Variants in UIMC1 observed in about 807,000 individuals in gnomAD.
UIMC1 encodes the protein ubiquitin interaction motif containing 1, also known as BRCA1-A complex subunit RAP80.
A neutral mutation model predicts 84.9 loss-of-function variants in UIMC1; 42 were observed. The observed-to-expected ratio is 0.49, with a 90% CI of 0.39 to 0.64. UIMC1 has a LOEUF of 0.64. Among genes scored for constraint, UIMC1 ranks in the 30% least tolerant of loss-of-function variants. The pLI, the probability that UIMC1 is intolerant of heterozygous loss-of-function variation, is 0.00. For synonymous variants in UIMC1, 281 were observed against 293.0 expected, an observed-to-expected ratio of 0.96 and a Z score of 0.42; for missense variants, 825 against 847.6, an observed-to-expected ratio of 0.97 and a Z score of 0.33.
At chr5:176,970,523 A>G in intron 4 of UIMC1, 2 of 610,672 alleles carry the variant, frequency 3.3e-6, no homozygotes, top group Non-Finnish European at 5.5e-6. Flanking sequence ...TAAAAAATCC[A>G]TGGGGTGGAA....
intron 1 of UIMC1, among the ~76,000 whole-genome samples, chr5:177,016,983 A>G (rs987300686): frequency 6.6e-6 from 1 of 152,248 alleles, no homozygotes; most frequent in African/African-American, 2.4e-5. Context: ...AGATTGCGCC[A>G]TTGCACTCCA....
intron 2 of UIMC1, among the ~76,000 whole-genome samples, chr5:176,979,143 A>AAC (rs1770611055): frequency 6.6e-6 from 1 of 152,260 alleles, no homozygotes; most frequent in Non-Finnish European, 1.5e-5. Flanking sequence ...TTAGTTTATG[A>AAC]TAAAGGTAAA....
rs896251086 is a variant in UIMC1, at chr5:176,994,956, G to A, written c.-9+11694C>T. ...TCTTTTCTTATCCTCACTCTGGGGC[G>A]GGGTGTGGGGGGCAGTGTGCTGGGA... On this transcript the variant is annotated intron_variant, in intron 1 of 14. Transcript: ENST00000511320. Among the ~76,000 whole-genome samples, 3 of 30,804 alleles carry A rather than the reference G, an allele frequency of 9.7e-5. No individual in the cohort carries two copies. In the South Asian group the frequency reaches 2.5e-3, roughly 26 times the overall value. The allele number at this position is 30,804 out of a possible 152,430, so 20.2% of individuals were successfully genotyped here.
At chr5:176,996,708 G>C (rs767469806) in intron 1 of UIMC1, among the ~76,000 whole-genome samples, 1 of 152,118 alleles carries the variant, frequency 6.6e-6, no homozygotes, top group African/African-American at 2.4e-5. Flanking sequence ...TATGAGTCCA[G>C]TAGTTTAACC....
chr5:176,947,765 G>A lies in UIMC1; in HGVS notation c.1443+3709C>T, dbSNP rs1191872469. Among the ~76,000 whole-genome samples the A allele has an allele frequency of 3.3e-5, 5 of 151,564 alleles. No individual in the cohort carries two copies. In the East Asian group the frequency reaches 5.8e-4, roughly 18 times the overall value. On this transcript the variant is annotated intron_variant, in intron 9 of 14. Coordinates refer to ENST00000511320, the MANE Select transcript of UIMC1 (RefSeq NM_001199298.2). ...CCCGGGAGGTGGAGCTTGCAGAGCC[G>A]AGATTGCGCCACTGCACTCCAGCCT...
At chr5:176,943,511 A>C (rs1465729114) in intron 9 of UIMC1, 23 bp from the exon 10 acceptor site, 1 of 1,612,284 alleles carries the variant, frequency 6.2e-7, no homozygotes, top group Non-Finnish European at 8.5e-7. Flanking sequence ...ACAAACAGCA[A>C]TCATAACAGC....
rs1764723205 is a variant in UIMC1 at position 176,943,610 on chromosome 5, A to G, written c.1444-122T>C. 14 of 1,236,186 alleles carry G rather than the reference A, an allele frequency of 1.1e-5. 1 individual carries two copies. The Middle Eastern group carries it at 1.4e-3, about 123-fold the overall frequency. The allele number at this position is 1,236,186 out of a possible 1,614,324, so 76.6% of individuals were successfully genotyped here. A position where few individuals can be genotyped will look rare whatever the true frequency, so the allele number is the denominator to read the frequency against. ...CAAAGAGACAACAACAGCTTATCAA[A>G]TTCAGGAGTAAAGATTGAGAGATAC... is the stretch of plus-strand genomic sequence containing the variant. On this transcript the variant is annotated intron_variant, in intron 9 of 14. Coordinates refer to ENST00000511320, the MANE Select transcript of UIMC1 (RefSeq NM_001199298.2).
At chr5:176,970,592 A>C (rs766053371) in intron 4 of UIMC1, 150 bp downstream of exon 4, 1 of 1,269,062 alleles carries the variant, frequency 7.9e-7, no homozygotes, top group Non-Finnish European at 1.1e-6. Flanking sequence ...CAACAATTCA[A>C]CACAGACTTT....
chr5:177,013,201 A>G (rs1332108982), intron 1 of UIMC1, among the ~76,000 whole-genome samples: 1 of 152,010 alleles, frequency 6.6e-6, no homozygotes, highest in Non-Finnish European at 1.5e-5. Context: ...GCTCTACTAA[A>G]AATACATAAA....
intron 10 of UIMC1, among the ~76,000 whole-genome samples, chr5:176,942,962 T>G (rs1191681770): frequency 1.3e-5 from 2 of 152,058 alleles, no homozygotes; most frequent in Admixed American, 6.5e-5. Flanking sequence ...CTTGGGAGGC[T>G]AAGGCGTGAG....
intron 10 of UIMC1, among the ~76,000 whole-genome samples, chr5:176,934,010 T>C (rs1333851762): frequency 1.3e-5 from 2 of 152,322 alleles, no homozygotes; most frequent in Non-Finnish European, 2.9e-5. Context: ...AGTTGTACTA[T>C]ACATAGTCAT....
intron 1 of UIMC1, among the ~76,000 whole-genome samples, chr5:176,994,820 A>G (rs181028707): frequency 1.3e-5 from 2 of 152,336 alleles, no homozygotes; most frequent in East Asian, 1.9e-4. Context: ...CAGGTCTCGC[A>G]ACGCAGGCAT....
At chr5:176,972,892 T>C (rs578112961) in intron 3 of UIMC1, among the ~76,000 whole-genome samples, 1 of 151,404 alleles carries the variant, frequency 6.6e-6, no homozygotes, top group Admixed American at 6.6e-5. Flanking sequence ...CTATGAATGA[T>C]TTTATACCAG....
chr5:176,929,744 C>A (rs1172629101), intron 10 of UIMC1, among the ~76,000 whole-genome samples: 1 of 151,830 alleles, frequency 6.6e-6, no homozygotes, highest in Non-Finnish European at 1.5e-5. Context: ...AAAAGTAAAA[C>A]ACACACACAC....
intron 10 of UIMC1, among the ~76,000 whole-genome samples, chr5:176,923,553 C>CAAA (rs140083057): frequency 8.3e-6 from 1 of 120,414 alleles, no homozygotes; most frequent in Non-Finnish European, 1.8e-5. Context: ...GTATCAAAAG[C>CAAA]AAAAAAAAAA....
At chr5:176,959,710 C>T (rs1229766001) in intron 6 of UIMC1, among the ~76,000 whole-genome samples, 1 of 117,696 alleles carries the variant, frequency 8.5e-6, no homozygotes, top group Non-Finnish European at 1.7e-5. Flanking sequence ...AGCGAGACTC[C>T]GTCTCAAAAA....
chr5:176,948,479 A>G (rs968887291), intron 9 of UIMC1, among the ~76,000 whole-genome samples: 1 of 152,242 alleles, frequency 6.6e-6, no homozygotes, highest in African/African-American at 2.4e-5. Flanking sequence ...TCCATTTTAC[A>G]TATGAAAAAC....
chr5:176,905,777 C>T lies in UIMC1; in HGVS notation c.1949+234G>A, dbSNP rs1581316037. 2.2e-5 allele frequency: 14 copies of T among 626,580 alleles called. No individual in the cohort carries two copies. In the East Asian group the frequency reaches 3.0e-4, roughly 14 times the overall value. The allele number at this position is 626,580 out of a possible 1,614,324, so 38.8% of individuals were successfully genotyped here. ...AGGGTTGGATGGGGATAGAGAGGTA[C>T]AGAAGAATAAGACATAACTTTCACT... On this transcript the variant is annotated intron_variant, in intron 14 of 14. Coordinates refer to ENST00000511320, the MANE Select transcript of UIMC1 (RefSeq NM_001199298.2).
intron 1 of UIMC1, among the ~76,000 whole-genome samples, chr5:176,998,241 A>G (rs1345155273): frequency 6.6e-6 from 1 of 151,974 alleles, no homozygotes; most frequent in East Asian, 1.9e-4. Flanking sequence ...CTTTCGGCAG[A>G]TCATCTGAGG....
Sources: gnomAD v4.1 joint callset for allele counts (sites outside exome capture counted in the v4.1 genomes callset) on GRCh38, gnomAD v4.1.1 for gene constraint, MANE v1.5 for transcripts, NCBI Gene and HGNC (gene_info 2026-07-23, HGNC 2026-07-21) for gene names.